Variants in ZNF804A observed in about 807,000 individuals in gnomAD.
ZNF804A encodes zinc finger protein 804A.
ZNF804A carries 2 observed loss-of-function variants against 16.5 expected under a neutral mutation model. That is an observed-to-expected ratio of 0.12 (90% CI 0.05 to 0.38). The LOEUF (loss-of-function observed/expected upper bound fraction) is 0.38. ZNF804A is among the 10% of genes least tolerant of loss of function. The pLI is 0.99. For missense variants in ZNF804A, 1,473 were observed against 1,390.7 expected (o/e 1.06, Z -0.94); for synonymous variants, 534 against 489.6 (o/e 1.09, Z -1.20).
chr2:184,799,908 GT>G (rs1694698559), intron 1 of ZNF804A, among the ~76,000 whole-genome samples: 1 of 152,098 alleles, frequency 6.6e-6, no homozygotes, highest in Non-Finnish European at 1.5e-5. Flanking sequence ...TGCCTTAAGT[GT>G]GGGGAGAATT....
chr2:184,755,122 T>C (rs1405198212), intron 1 of ZNF804A, among the ~76,000 whole-genome samples: 1 of 151,916 alleles, frequency 6.6e-6, no homozygotes, highest in Non-Finnish European at 1.5e-5. Flanking sequence ...GGACCCTTAA[T>C]TTACATGAGA....
chr2:184,697,315 A>C (rs929787731), intron 1 of ZNF804A, among the ~76,000 whole-genome samples: 1 of 152,124 alleles, frequency 6.6e-6, no homozygotes, highest in African/African-American at 2.4e-5. Flanking sequence ...GATGAGAAGC[A>C]GTTGAACCAT....
intron 1 of ZNF804A, among the ~76,000 whole-genome samples, chr2:184,831,479 CTT>C (rs1695261408): frequency 6.6e-6 from 1 of 151,908 alleles, no homozygotes; most frequent in Non-Finnish European, 1.5e-5. Context: ...ATATTGGAAA[CTT>C]TAGGTATCTG....
At chr2:184,808,877 AC>A (rs1394236948) in intron 1 of ZNF804A, among the ~76,000 whole-genome samples, 2 of 151,792 alleles carry the variant, frequency 1.3e-5, no homozygotes, top group African/African-American at 4.8e-5. Context: ...ATATTTGTTA[AC>A]CCAGTCCATT....
At chr2:184,798,822 T>C (rs1694677008) in intron 1 of ZNF804A, among the ~76,000 whole-genome samples, 3 of 152,156 alleles carry the variant, frequency 2.0e-5, no homozygotes, top group Admixed American at 6.6e-5. Context: ...TTGTCATATT[T>C]CCAGAGTTGG....
At chr2:184,874,347 T>C (rs1257984063) in intron 2 of ZNF804A, among the ~76,000 whole-genome samples, 1 of 152,170 alleles carries the variant, frequency 6.6e-6, no homozygotes, top group Non-Finnish European at 1.5e-5. Context: ...TAGTATATAA[T>C]GCTTTATGTG....
At chr2:184,652,671 C>T (rs1437591802) in intron 1 of ZNF804A, among the ~76,000 whole-genome samples, 1 of 152,074 alleles carries the variant, frequency 6.6e-6, no homozygotes, top group African/African-American at 2.4e-5. Flanking sequence ...CTCCTGCCTT[C>T]ATTCAATGTA....
intron 2 of ZNF804A, among the ~76,000 whole-genome samples, chr2:184,931,618 C>T (rs6722992): frequency 0.53 from 80,109 of 152,026 alleles, 24,054 homozygotes; most frequent in East Asian, 0.83. Flanking sequence ...ATCCTCTGGG[C>T]CTGTGACAGG....
rs1374114603 is a variant in ZNF804A, at chr2:184,614,390, C to G, written c.111+15320C>G. ...ATAGGTATGGGCAAAGACTTCATGT[C>G]TAAAACACCAAAAGCAATGGCAACA... is the stretch of plus-strand genomic sequence containing the variant. On this transcript the variant is annotated intron_variant, in intron 1 of 3. Coordinates refer to ENST00000302277, the MANE Select transcript of ZNF804A (RefSeq NM_194250.2). Among the ~76,000 whole-genome samples, 7 of 152,112 alleles carry G rather than the reference C, an allele frequency of 4.6e-5. No individual in the cohort carries two copies. In the East Asian group the frequency reaches 1.3e-3, roughly 29 times the overall value.
At chr2:184,781,824 G>T (rs1195023249) in intron 1 of ZNF804A, among the ~76,000 whole-genome samples, 1 of 151,806 alleles carries the variant, frequency 6.6e-6, no homozygotes, top group Non-Finnish European at 1.5e-5. Flanking sequence ...GAAAGAGTTT[G>T]CATTAGTTTT....
chr2:184,705,978 G>T (rs944587567), intron 1 of ZNF804A, among the ~76,000 whole-genome samples: 1 of 152,080 alleles, frequency 6.6e-6, no homozygotes, highest in African/African-American at 2.4e-5. Context: ...CTATTCACTT[G>T]ATTATTAAAA....
intron 1 of ZNF804A, among the ~76,000 whole-genome samples, chr2:184,796,862 C>G (rs1694636531): frequency 6.6e-6 from 1 of 151,974 alleles, no homozygotes; most frequent in Non-Finnish European, 1.5e-5. Context: ...TATTTAATTT[C>G]TATCTTGATT....
chr2:184,800,562 G>T lies in ZNF804A; in HGVS notation c.112-65807G>T, dbSNP rs868765856. 4.0e-5 allele frequency among the ~76,000 whole-genome samples: 6 copies of T among 151,066 alleles called. 1 individual carries two copies. In the South Asian group the frequency reaches 6.3e-4, roughly 16 times the overall value. ...GTATGTTACTTAAAAGTATTTTTTG[G>T]ATCTTCAAATACTTATAGATTTTCT... is the stretch of plus-strand genomic sequence containing the variant. On this transcript the variant is annotated intron_variant, in intron 1 of 3. Coordinates refer to ENST00000302277, the MANE Select transcript of ZNF804A (RefSeq NM_194250.2).
chr2:184,691,190 G>A (rs1406714395), intron 1 of ZNF804A, among the ~76,000 whole-genome samples: 2 of 151,878 alleles, frequency 1.3e-5, no homozygotes, highest in Admixed American at 1.3e-4. Flanking sequence ...GCTTATGTTA[G>A]TATCTACGGA....
chr2:184,750,492 T>A (rs1212618358), intron 1 of ZNF804A, among the ~76,000 whole-genome samples: 1 of 151,340 alleles, frequency 6.6e-6, no homozygotes. Flanking sequence ...GTTGCACTAA[T>A]CGTTTTTTAA....
chr2:184,784,223 G>A (rs1214159284), intron 1 of ZNF804A, among the ~76,000 whole-genome samples: 1 of 151,812 alleles, frequency 6.6e-6, no homozygotes, highest in African/African-American at 2.4e-5. Flanking sequence ...TTCAACTGAT[G>A]GCTCTAAGAT....
intron 1 of ZNF804A, among the ~76,000 whole-genome samples, chr2:184,647,492 T>G (rs1439700266): frequency 6.6e-6 from 1 of 151,718 alleles, no homozygotes; most frequent in Non-Finnish European, 1.5e-5. Context: ...TCAACACAAA[T>G]CAATCTAAAG....
intron 1 of ZNF804A, among the ~76,000 whole-genome samples, chr2:184,732,958 T>C (rs1429265024): frequency 6.6e-6 from 1 of 152,188 alleles, no homozygotes; most frequent in African/African-American, 2.4e-5. Flanking sequence ...TCTACATAGA[T>C]GATCATGTCA....
chr2:184,829,629 A>G (rs1030601800), intron 1 of ZNF804A, among the ~76,000 whole-genome samples: 4 of 152,128 alleles, frequency 2.6e-5, no homozygotes, highest in Non-Finnish European at 5.9e-5. Context: ...TATCTGATGT[A>G]GACAATATGA....
Sources: gnomAD v4.1 joint callset for allele counts (sites outside exome capture counted in the v4.1 genomes callset) on GRCh38, gnomAD v4.1.1 for gene constraint, MANE v1.5 for transcripts, NCBI Gene and HGNC (gene_info 2026-07-23, HGNC 2026-07-21) for gene names.